Variants in NCAM2 observed in about 807,000 individuals in gnomAD.
The protein encoded by NCAM2 is N-CAM-2.
Under a neutral mutation model 98.1 loss-of-function variants are expected in NCAM2, and 30 were observed. The ratio of observed to expected loss-of-function variants is 0.31; its 90% CI spans 0.23 to 0.41. The LOEUF (loss-of-function observed/expected upper bound fraction) is 0.41. NCAM2 is among the 10% of genes least tolerant of loss of function. The probability of loss-of-function intolerance (pLI) is 1.00; values close to 1 mark genes in which losing one functional copy is unlikely to be tolerated. For missense variants in NCAM2, 867 were observed against 1,005.8 expected (o/e 0.86, Z 1.87); for synonymous variants, 368 against 342.4 (o/e 1.07, Z -0.83).
chr21:21,070,599 G>A (rs1025934370), intron 1 of NCAM2, among the ~76,000 whole-genome samples: 6 of 149,476 alleles, frequency 4.0e-5, no homozygotes, highest in South Asian at 4.2e-4. Context: ...CACCAAGTTT[G>A]GGTCTAACAT....
intron 4 of NCAM2, among the ~76,000 whole-genome samples, chr21:21,289,740 T>C (rs116653990): frequency 0.017 from 2,554 of 152,082 alleles, 69 homozygotes; most frequent in African/African-American, 0.058. Flanking sequence ...AGCACAGCCT[T>C]GATATCTGCT....
At chr21:21,523,299 C>A (rs1479496501) in intron 16 of NCAM2, among the ~76,000 whole-genome samples, 1 of 151,894 alleles carries the variant, frequency 6.6e-6, no homozygotes, top group Non-Finnish European at 1.5e-5. Context: ...CCAACTTTTT[C>A]TTCTAGTAGT....
intron 1 of NCAM2, among the ~76,000 whole-genome samples, chr21:21,029,252 G>C (rs1357289258): frequency 6.6e-6 from 1 of 152,126 alleles, no homozygotes; most frequent in East Asian, 1.9e-4. Context: ...TTATTTTTCA[G>C]ATGAAATCTG....
chr21:21,010,220 C>G (rs750942198), intron 1 of NCAM2, among the ~76,000 whole-genome samples: 7 of 151,792 alleles, frequency 4.6e-5, no homozygotes, highest in African/African-American at 7.3e-5. Flanking sequence ...TTTCAAAGCC[C>G]CCTCATACAC....
intron 1 of NCAM2, among the ~76,000 whole-genome samples, chr21:21,175,631 G>A (rs1298251905): frequency 6.6e-6 from 1 of 152,218 alleles, no homozygotes; most frequent in Admixed American, 6.5e-5. Flanking sequence ...TTAGTGAGGA[G>A]GGCATGTAGA....
At chr21:21,514,426 T>C (rs942594203) in intron 16 of NCAM2, among the ~76,000 whole-genome samples, 2 of 144,124 alleles carry the variant, frequency 1.4e-5, no homozygotes, top group South Asian at 4.3e-4. Flanking sequence ...CAGTGAGCCA[T>C]TGTACTCCTG....
chr21:21,361,144 A>G (rs1327203871), intron 8 of NCAM2, among the ~76,000 whole-genome samples: 1 of 152,088 alleles, frequency 6.6e-6, no homozygotes, highest in Non-Finnish European at 1.5e-5. Context: ...CTCTAACATC[A>G]GTCCAGTAAT....
chr21:21,421,957 A>AT (rs1385112888), intron 11 of NCAM2, among the ~76,000 whole-genome samples: 1 of 151,044 alleles, frequency 6.6e-6, no homozygotes, highest in African/African-American at 2.4e-5. Context: ...TTTTCCTTGC[A>AT]TTTTCCCTTT....
In NCAM2 at chr21:21,293,327, A is replaced by G. The variant is rs137888120; in HGVS notation, c.619+1086A>G. Among the ~76,000 whole-genome samples the G allele has an allele frequency of 2.8e-3, 431 of 151,422 alleles. 2 individuals carry two copies. The highest frequency in any genetic ancestry group is 9.9e-3 in the African/African-American group (411 of 41,314). The stretch of plus-strand genomic sequence containing the variant: ...TGAATTCATACAACTTGGTTTCTCT[A>G]CACTTAATCTCACAATTCTACCTTT... On this transcript the variant is annotated intron_variant, in intron 5 of 17. Coordinates refer to ENST00000400546, the MANE Select transcript of NCAM2 (RefSeq NM_004540.5).
chr21:21,028,914 G>A (rs2064611478), intron 1 of NCAM2, among the ~76,000 whole-genome samples: 1 of 152,164 alleles, frequency 6.6e-6, no homozygotes, highest in Non-Finnish European at 1.5e-5. Context: ...TCATAGGTAT[G>A]TAATCCTTTT....
chr21:21,471,953 T>A (rs979630183), intron 14 of NCAM2, among the ~76,000 whole-genome samples: 1 of 152,000 alleles, frequency 6.6e-6, no homozygotes, highest in Non-Finnish European at 1.5e-5. Context: ...AATAAATCAG[T>A]AAGTTTAAAC....
In NCAM2 at chr21:21,497,071, G is replaced by C. The variant is rs78318972; in HGVS notation, c.2078-11780G>C. On this transcript the variant is annotated intron_variant, in intron 15 of 17. Transcript: ENST00000400546. The stretch of plus-strand genomic sequence containing the variant: ...CATGTCCTTTGCAGCAACATAGATA[G>C]AGCGGGAGGCCATAGTCCTAAGCAA... 5.8e-3 allele frequency among the ~76,000 whole-genome samples: 888 copies of C among 152,202 alleles called. 13 individuals carry two copies. Among genetic ancestry groups the C allele is most frequent in the African/African-American group, 0.021 (855 of 41,530 alleles).
chr21:21,056,543 AGAG>A (rs1264326800), intron 1 of NCAM2, among the ~76,000 whole-genome samples: 7 of 145,748 alleles, frequency 4.8e-5, no homozygotes, highest in African/African-American at 1.8e-4. Flanking sequence ...AGGGGGAGAG[AGAG>A]GAGAGAGAGA....
chr21:21,484,202 T>C (rs1029807663), intron 15 of NCAM2, among the ~76,000 whole-genome samples: 1 of 152,156 alleles, frequency 6.6e-6, no homozygotes, highest in African/African-American at 2.4e-5. Context: ...TTGACCTTTG[T>C]ATGTTTTTAA....
At chr21:21,152,492 G>C (rs1027505073) in intron 1 of NCAM2, among the ~76,000 whole-genome samples, 2 of 151,706 alleles carry the variant, frequency 1.3e-5, no homozygotes, top group Non-Finnish European at 2.9e-5. Context: ...TCTAGACGTT[G>C]GTATTTTCCT....
At chr21:21,522,080 A>G (rs1329585069) in intron 16 of NCAM2, among the ~76,000 whole-genome samples, 1 of 148,168 alleles carries the variant, frequency 6.7e-6, no homozygotes, top group Non-Finnish European at 1.5e-5. Context: ...TATTTTATAT[A>G]TGAATCCATA....
At position 21,432,022 on chromosome 21, in the gene NCAM2, C is replaced by A. The variant is rs1055711473; in HGVS notation, c.1481-86C>A. On this transcript the variant is annotated intron_variant, in intron 11 of 17. Coordinates refer to ENST00000400546, the MANE Select transcript of NCAM2 (RefSeq NM_004540.5). ...TGATACAGGTAGCAGTTTTCCTTCA[C>A]TCCTAGTTCTCATAACACCATAAGC... is the stretch of plus-strand genomic sequence containing the variant. 5 of 1,266,206 alleles carry A rather than the reference C, an allele frequency of 3.9e-6. No individual in the cohort carries two copies. The South Asian group carries it at 4.6e-5, about 12-fold the overall frequency. 78.4% of individuals were successfully genotyped at this position (1,266,206 alleles called of 1,614,324 possible). A position where few individuals can be genotyped will look rare whatever the true frequency, so the allele number is the denominator to read the frequency against.
chr21:21,351,873 AG>A (rs2075350534), intron 8 of NCAM2, among the ~76,000 whole-genome samples: 1 of 152,034 alleles, frequency 6.6e-6, no homozygotes, highest in South Asian at 2.1e-4. Flanking sequence ...CAGCCTCTGG[AG>A]TTGCTAGGAT....
intron 9 of NCAM2, among the ~76,000 whole-genome samples, chr21:21,392,948 G>A (rs1197184131): frequency 6.6e-6 from 1 of 152,006 alleles, no homozygotes; most frequent in African/African-American, 2.4e-5. Flanking sequence ...AAGCTCTTTA[G>A]TTTAATTATA....
Sources: allele counts gnomAD v4.1 joint callset (sites outside exome capture counted in the v4.1 genomes callset), GRCh38; gene constraint gnomAD v4.1.1; transcripts MANE v1.5; gene names NCBI Gene and HGNC (gene_info 2026-07-23, HGNC 2026-07-21).